Variants in SLC35E4 observed in about 807,000 individuals in gnomAD.
SLC35E4 encodes the protein solute carrier family 35 member E4.
Under a neutral mutation model 19.3 loss-of-function variants are expected in SLC35E4, and 15 were observed. The ratio of observed to expected loss-of-function variants is 0.78; its 90% confidence interval spans 0.52 to 1.20. The LOEUF (loss-of-function observed/expected upper bound fraction) is 1.20. SLC35E4 is among the 50% of genes most tolerant of loss of function. The probability of loss-of-function intolerance (pLI) is 0.00; values close to 1 mark genes in which losing one functional copy is unlikely to be tolerated. For synonymous variants in SLC35E4, 219 were observed against 219.9 expected, an observed-to-expected ratio of 1.00 and a Z score of 0.04; for missense variants, 406 against 472.3, an observed-to-expected ratio of 0.86 and a Z score of 1.30.
At chr22:30,664,016 T>C (rs776739722), downstream of SLC35E4, 6 of 1,606,378 alleles carry the variant, frequency 3.7e-6, no homozygotes, top group South Asian at 6.6e-5. Flanking sequence ...AGGCGGTGGG[T>C]CAGTGGTCAG....
chr22:30,641,410 A>C (rs970250967), intron 1 of SLC35E4, among the ~76,000 whole-genome samples: 3 of 152,170 alleles, frequency 2.0e-5, no homozygotes, highest in Admixed American at 6.5e-5. Flanking sequence ...CATGGTTCCA[A>C]ATGCCATGTA....
chr22:30,659,824 CAT>C (rs2088423067), intron 2 of SLC35E4, among the ~76,000 whole-genome samples: 1 of 152,202 alleles, frequency 6.6e-6, no homozygotes, highest in South Asian at 2.1e-4. Flanking sequence ...ATTCTAATCA[CAT>C]GAGTCTTTTA....
Position 30,646,628 on chromosome 22 carries a change from C to T in SLC35E4, c.650C>T (p.Ala217Val), listed in dbSNP as rs368753982. Residue 217 changes from alanine (A) to valine (V), a missense_variant, in exon 2 of 2, where the codon GCG (alanine) becomes GTG (valine). By Grantham distance (64) the Ala-to-Val change is moderately conservative (BLOSUM62 0). Coordinates refer to ENST00000343605, the MANE Select transcript of SLC35E4 (RefSeq NM_001001479.4). ...SALLQEERLDAVTLLYATSLP... is the reference protein window; with the variant it reads ...SALLQEERLDVVTLLYATSLP... Reference sequence around the variant, plus strand: ...CTGCTGCAGGAGGAGAGGCTGGACGCGGTGACCCTGCTTTACGCCACCTCG... The same window carrying T: ...CTGCTGCAGGAGGAGAGGCTGGACGTGGTGACCCTGCTTTACGCCACCTCG... 3.2e-5 allele frequency: 51 copies of T among 1,607,876 alleles called. No homozygotes were observed. The highest frequency in any genetic ancestry group is 1.7e-4 in the Middle Eastern group (1 of 5,984).
chr22:30,649,290 T>C, downstream of SLC35E4: 2 of 714,286 alleles, frequency 2.8e-6, 1 homozygote, highest in South Asian at 3.0e-5. Flanking sequence ...TATCTTGGGG[T>C]ATTCACCCAA....
intron 2 of SLC35E4, among the ~76,000 whole-genome samples, chr22:30,656,180 T>C (rs1447921978): frequency 3.3e-5 from 5 of 151,952 alleles, no homozygotes; most frequent in Non-Finnish European, 5.9e-5. Context: ...TCTCACTATG[T>C]TGCCCAGGCT....
chr22:30,647,087 G>A lies in SLC35E4; in HGVS notation c.*56G>A, dbSNP rs1055024350. 39 of 1,518,508 alleles carry A rather than the reference G, an allele frequency of 2.6e-5. No homozygotes were observed. In the East Asian group the frequency reaches 5.2e-4, roughly 20 times the overall value. The allele number at this position is 1,518,508 out of a possible 1,614,324, so 94.1% of individuals were successfully genotyped here. ...TGGCCCTGGCCTGAATCCAGCCTCC[G>A]CTGTGGCCATAGAAGGAATGGAGAA... is the stretch of plus-strand genomic sequence containing the variant. On this transcript the variant is annotated 3_prime_UTR_variant, in exon 2 of 2. Transcript: ENST00000343605.
chr22:30,640,419 C>T (rs2088019309), intron 1 of SLC35E4, among the ~76,000 whole-genome samples: 1 of 151,404 alleles, frequency 6.6e-6, no homozygotes, highest in African/African-American at 2.4e-5. Flanking sequence ...ATGATTTGCA[C>T]AGAGGTCACG....
At chr22:30,662,319 T>A (rs917990971) in exon 3 of SLC35E4, 2 of 152,168 alleles carry the variant, frequency 1.3e-5, no homozygotes, top group African/African-American at 4.8e-5. Context: ...GGGGTCCACA[T>A]CACATGAAGA....
chr22:30,662,064 AC>A (rs2088490937), exon 3 of SLC35E4: 1 of 144,140 alleles, frequency 6.9e-6, no homozygotes, highest in Non-Finnish European at 1.5e-5. Context: ...ACACAGGGTA[AC>A]TTTTTGGAAG....
chr22:30,665,898 A>G (rs1191288621), downstream of SLC35E4, among the ~76,000 whole-genome samples: 1 of 135,584 alleles, frequency 7.4e-6, no homozygotes, highest in Non-Finnish European at 1.6e-5. Flanking sequence ...GGAAAGAATG[A>G]GTTCTCTGGC....
chr22:30,668,457 C>T (rs1012350571), exon 3 of SLC35E4: 10 of 152,362 alleles, frequency 6.6e-5, no homozygotes, highest in African/African-American at 2.4e-4. Context: ...CCAGCCCCTT[C>T]CCAGTCTAGC....
At position 30,636,592 on chromosome 22, in the gene SLC35E4, C is replaced by G. The variant is rs1602068041; in HGVS notation, c.142C>G (p.Arg48Gly). Reference protein sequence around the residue: ...PQALRQPGRARVAMAALVWLL... With the variant: ...PQALRQPGRAGVAMAALVWLL... ...GGCCCTCCGGCAGCCTGGCCGGGCCCGAGTGGCCATGGCAGCACTGGTGTG... is the reference window on the plus strand; with the variant it reads ...GGCCCTCCGGCAGCCTGGCCGGGCCGGAGTGGCCATGGCAGCACTGGTGTG... Residue 48 changes from arginine (R) to glycine (G), a missense_variant, in exon 1 of 2, where the codon CGA becomes GGA. By Grantham distance (125) the Arg-to-Gly change is moderately radical. Coordinates refer to ENST00000343605, the MANE Select transcript of SLC35E4 (RefSeq NM_001001479.4). 6.2e-7 allele frequency: 1 copy of G among 1,603,680 alleles called. No individual in the cohort carries two copies. Among genetic ancestry groups the G allele is most frequent in the South Asian group, 1.1e-5 (1 of 89,948 alleles).
downstream of SLC35E4, among the ~76,000 whole-genome samples, chr22:30,652,874 C>A (rs760540315): frequency 6.6e-6 from 1 of 152,178 alleles, no homozygotes; most frequent in Admixed American, 6.5e-5. Flanking sequence ...TAGTGTGAGC[C>A]CTTCCCACAT....
chr22:30,653,458 G>A (rs921071992), intron 2 of SLC35E4, among the ~76,000 whole-genome samples: 6 of 150,108 alleles, frequency 4.0e-5, no homozygotes, highest in Admixed American at 6.7e-5. Context: ...TGCAACCTCC[G>A]CCTCCTGGGT....
Position 30,646,864 on chromosome 22 carries a change from C to T in SLC35E4, c.886C>T (p.Leu296Phe). 6.2e-7 allele frequency: 1 copy of T among 1,614,264 alleles called. No homozygotes were observed. Among genetic ancestry groups the T allele is most frequent in the Non-Finnish European group, 8.5e-7 (1 of 1,180,052 alleles). Residue 296 changes from leucine (L) to phenylalanine (F), a missense_variant, in exon 2 of 2, where the codon CTC becomes TTC. Transcript: ENST00000343605. ...VLGNLTVVGN[L>F]ILSRLLFGSR... ...GGGCAACCTCACCGTGGTGGGCAAC[C>T]TCATCCTGTCCCGGCTGTTGTTTGG...
chr22:30,637,157 C>A, intron 1 of SLC35E4, 88 bp downstream of exon 1: 1 of 1,486,384 alleles, frequency 6.7e-7, no homozygotes, highest in African/African-American at 1.4e-5. Context: ...GCTGTTGTCC[C>A]ATTTTACAAA....
At chr22:30,639,464 C>A (rs1183518784) in intron 1 of SLC35E4, among the ~76,000 whole-genome samples, 1 of 152,118 alleles carries the variant, frequency 6.6e-6, no homozygotes, top group East Asian at 1.9e-4. Flanking sequence ...GAGCAGACAA[C>A]CAGTCTGACC....
Position 30,636,571 on chromosome 22 carries a change from C to G in SLC35E4, c.121C>G (p.Leu41Val), listed in dbSNP as rs1346918959. 1 of 1,583,822 alleles carries G rather than the reference C, an allele frequency of 6.3e-7. No individual in the cohort carries two copies. Among genetic ancestry groups the G allele is most frequent in the South Asian group, 1.1e-5 (1 of 87,980 alleles). The change falls in exon 1 of 2, where the codon CTC becomes GTC. Residue 41 changes from leucine to valine, a missense_variant. Physicochemically the swap from Leu to Val is conservative, Grantham distance 32. Coordinates refer to ENST00000343605, the MANE Select transcript of SLC35E4 (RefSeq NM_001001479.4). ...PEWPPGSPQALRQPGRARVAM... is the reference protein window; with the variant it reads ...PEWPPGSPQAVRQPGRARVAM... ...GTGGCCCCCTGGCAGCCCTCAGGCCCTCCGGCAGCCTGGCCGGGCCCGAGT... is the reference window on the plus strand; with the variant it reads ...GTGGCCCCCTGGCAGCCCTCAGGCCGTCCGGCAGCCTGGCCGGGCCCGAGT...
downstream of SLC35E4, chr22:30,667,109 G>A (rs1025683309): frequency 6.6e-6 from 1 of 152,170 alleles, no homozygotes; most frequent in Non-Finnish European, 1.5e-5. Flanking sequence ...AGCCTATGAA[G>A]TATTTGGCTT....
Sources: gnomAD v4.1 joint callset for allele counts (sites outside exome capture counted in the v4.1 genomes callset) on GRCh38, gnomAD v4.1.1 for gene constraint, MANE v1.5 for transcripts, NCBI Gene and HGNC (gene_info 2026-07-23, HGNC 2026-07-21) for gene names.